GREM1: variants seen among roughly 807,000 people sequenced by gnomAD.
GREM1 encodes gremlin-1.
In GREM1, 6 loss-of-function variants were observed where a neutral mutation model predicts 13.1. The observed-to-expected ratio is 0.46, with a 90% confidence interval of 0.25 to 0.91. The LOEUF (loss-of-function observed/expected upper bound fraction) is 0.91. GREM1 is among the 40% of genes least tolerant of loss of function. The pLI, the probability that GREM1 is intolerant of heterozygous loss-of-function variation, is 0.18. For synonymous variants in GREM1, 98 were observed against 93.7 expected (o/e 1.05, Z -0.27); for missense variants, 185 against 233.9 (o/e 0.79, Z 1.36).
In GREM1 at chr15:32,736,399, A is replaced by T. The variant is rs1225713652; in HGVS notation, c.*5154A>T. 6.6e-6 allele frequency: 1 copy of T among 152,190 alleles called. No individual in the cohort carries two copies. The highest frequency in any genetic ancestry group is 1.9e-4 in the East Asian group (1 of 5,192). The allele number at this position is 152,190 out of a possible 1,614,324, so 9.4% of individuals were successfully genotyped here. A position where few individuals can be genotyped will look rare whatever the true frequency, so the allele number is the denominator to read the frequency against. ...TGTTATTGGCAATCTAGACTGCCAA[A>T]TGCATAAATAGGACTCCATCCATGC... On this transcript the variant is annotated 3_prime_UTR_variant, in exon 2 of 2. Transcript: ENST00000651154.
chr15:32,725,006 A>G (rs1025709313), intron 1 of GREM1, among the ~76,000 whole-genome samples: 1 of 151,342 alleles, frequency 6.6e-6, no homozygotes, highest in Non-Finnish European at 1.5e-5. Flanking sequence ...CATGGTGTAT[A>G]TGTGCCACAT....
Position 32,733,412 on chromosome 15 carries a change from T to C in GREM1, c.*2167T>C. The C allele has an allele frequency of 4.4e-6, 1 of 228,884 alleles. No individual in the cohort carries two copies. The allele number at this position is 228,884 out of a possible 1,614,324, so 14.2% of individuals were successfully genotyped here. A position where few individuals can be genotyped will look rare whatever the true frequency, so the allele number is the denominator to read the frequency against. On this transcript the variant is annotated 3_prime_UTR_variant, in exon 2 of 2. Coordinates refer to ENST00000651154, the MANE Select transcript of GREM1 (RefSeq NM_013372.7). ...TGTTGTTTTAACTCTGCCACAAGAA[T>C]GCAATTTCGTTAACGGAGATGACTT...
intron 1 of GREM1, 38 bp downstream of exon 1, chr15:32,718,199 G>T: frequency 7.5e-7 from 1 of 1,330,720 alleles, no homozygotes; most frequent in South Asian, 1.2e-5. Context: ...GTGAGTGGGC[G>T]GAGGGAAGAG....
chr15:32,718,177 C>A lies in GREM1; in HGVS notation c.-2+16C>A. On this transcript the variant is annotated intron_variant, in intron 1 of 1. Coordinates refer to ENST00000651154, the MANE Select transcript of GREM1 (RefSeq NM_013372.7). Reference sequence around the variant, plus strand: ...GCACTGACAGGTGAGCGCGGACGCACCCGGCAGGGATGTGAGTGGGCGGAG... The same window carrying A: ...GCACTGACAGGTGAGCGCGGACGCAACCGGCAGGGATGTGAGTGGGCGGAG... 2 of 1,338,132 alleles carry A rather than the reference C, an allele frequency of 1.5e-6. No individual in the cohort carries two copies. Among genetic ancestry groups the A allele is most frequent in the South Asian group, 1.3e-5 (1 of 79,712 alleles). 82.9% of individuals were successfully genotyped at this position (1,338,132 alleles called of 1,614,324 possible).
In GREM1 at chr15:32,738,115, A is replaced by C. The variant is rs531353322; in HGVS notation, c.*6870A>C. On this transcript the variant is annotated 3_prime_UTR_variant, in exon 2 of 2. Transcript: ENST00000651154. ...AAAAAAAAAAAAAAAAAAAAAAAAAAAAAAAAAAAAAAAAAAAAGAAAAGA... is the reference window on the plus strand; with the variant it reads ...AAAAAAAAAAAAAAAAAAAAAAAAACAAAAAAAAAAAAAAAAAAGAAAAGA... 33 of 88,658 alleles carry C rather than the reference A, an allele frequency of 3.7e-4. No individual in the cohort carries two copies. Among genetic ancestry groups the C allele is most frequent in the Middle Eastern group, 5.8e-3 (1 of 172 alleles). 5.5% of individuals were successfully genotyped at this position (88,658 alleles called of 1,614,324 possible).
In GREM1 at chr15:32,733,369, C is replaced by A; in HGVS notation, c.*2124C>A. The A allele has an allele frequency of 4.4e-6, 1 of 226,430 alleles. No individual in the cohort carries two copies. Among genetic ancestry groups the A allele is most frequent in the Non-Finnish European group, 9.6e-6 (1 of 104,280 alleles). 14.0% of individuals were successfully genotyped at this position (226,430 alleles called of 1,614,324 possible). A position where few individuals can be genotyped will look rare whatever the true frequency, so the allele number is the denominator to read the frequency against. On this transcript the variant is annotated 3_prime_UTR_variant, in exon 2 of 2. Transcript: ENST00000651154. ...GAGGAAAAATGACATTCAGAACCAG[C>A]AAACACTGAATTTCTCTTGTTGTTT...
intron 1 of GREM1, 41 bp from the exon 2 acceptor site, chr15:32,730,649 C>A: frequency 7.3e-7 from 1 of 1,376,930 alleles, no homozygotes; most frequent in Non-Finnish European, 9.9e-7. Flanking sequence ...TTAACTTTGC[C>A]ATGTTTTGTG....
chr15:32,722,649 A>G (rs918732237), intron 1 of GREM1, among the ~76,000 whole-genome samples: 1 of 152,224 alleles, frequency 6.6e-6, no homozygotes, highest in Non-Finnish European at 1.5e-5. Context: ...GGTGGTTAAT[A>G]TGGCTTACCT....
chr15:32,731,685 C>A lies in GREM1; in HGVS notation c.*440C>A, dbSNP rs754322767. 6.6e-4 allele frequency: 173 copies of A among 263,640 alleles called. 1 individual carries two copies. The highest frequency in any genetic ancestry group is 1.1e-3 in the Non-Finnish European group (148 of 128,804). 16.3% of individuals were successfully genotyped at this position (263,640 alleles called of 1,614,324 possible). A position where few individuals can be genotyped will look rare whatever the true frequency, so the allele number is the denominator to read the frequency against. On this transcript the variant is annotated 3_prime_UTR_variant, in exon 2 of 2. Transcript: ENST00000651154. ...GTGCTGCATTCGACATGGAAAAGTCCTTTTAACCTGTGCTTGCATCCTCCT... is the reference window on the plus strand; with the variant it reads ...GTGCTGCATTCGACATGGAAAAGTCATTTTAACCTGTGCTTGCATCCTCCT...
At chr15:32,721,621 G>A (rs1043358531) in intron 1 of GREM1, among the ~76,000 whole-genome samples, 3 of 152,096 alleles carry the variant, frequency 2.0e-5, no homozygotes, top group African/African-American at 4.8e-5. Flanking sequence ...GGGTGTGGTG[G>A]CAGGCGCCTA....
intron 1 of GREM1, among the ~76,000 whole-genome samples, chr15:32,729,867 T>TA (rs1463042662): frequency 1.3e-5 from 2 of 152,122 alleles, no homozygotes; most frequent in African/African-American, 4.8e-5. Context: ...ATACATTGAG[T>TA]ATCTGTGCCC....
intron 1 of GREM1, among the ~76,000 whole-genome samples, chr15:32,719,444 C>T (rs2055366650): frequency 6.6e-6 from 1 of 152,200 alleles, no homozygotes; most frequent in African/African-American, 2.4e-5. Flanking sequence ...TAATGCATTC[C>T]CGGGTCGAAT....
chr15:32,720,479 G>A (rs1349108131), intron 1 of GREM1, among the ~76,000 whole-genome samples: 1 of 152,124 alleles, frequency 6.6e-6, no homozygotes, highest in Non-Finnish European at 1.5e-5. Context: ...GAGAGTAAAG[G>A]ACAGCCAGGA....
chr15:32,723,262 C>T (rs1455746957), intron 1 of GREM1, among the ~76,000 whole-genome samples: 1 of 152,188 alleles, frequency 6.6e-6, no homozygotes, highest in Non-Finnish European at 1.5e-5. Flanking sequence ...ATTTCAAGTG[C>T]ACATCACTAC....
Position 32,731,858 on chromosome 15 carries a change from A to G in GREM1, c.*613A>G, listed in dbSNP as rs780185346. On this transcript the variant is annotated 3_prime_UTR_variant, in exon 2 of 2. Coordinates refer to ENST00000651154, the MANE Select transcript of GREM1 (RefSeq NM_013372.7). ...GTGAAGACCCTCCAGACTCTGGGAG[A>G]GGCTGGTGTGGGCAAGGACAAGCAG... 4 of 231,172 alleles carry G rather than the reference A, an allele frequency of 1.7e-5. No individual in the cohort carries two copies. Among genetic ancestry groups the G allele is most frequent in the Non-Finnish European group, 2.8e-5 (3 of 107,756 alleles). 14.3% of individuals were successfully genotyped at this position (231,172 alleles called of 1,614,324 possible). A position where few individuals can be genotyped will look rare whatever the true frequency, so the allele number is the denominator to read the frequency against.
rs2140767812 is a variant in GREM1, at chr15:32,739,411, A to C, written c.*8166A>C. On this transcript the variant is annotated 3_prime_UTR_variant, in exon 2 of 2. Coordinates refer to ENST00000651154, the MANE Select transcript of GREM1 (RefSeq NM_013372.7). Reference sequence around the variant, plus strand: ...TCAACACCTTAGTCTGGTTGCAAACAGTTTAAATGAGAAAAGATAAGGCCT... The same window carrying C: ...TCAACACCTTAGTCTGGTTGCAAACCGTTTAAATGAGAAAAGATAAGGCCT... 1 of 152,364 alleles carries C rather than the reference A, an allele frequency of 6.6e-6. No individual in the cohort carries two copies. Among genetic ancestry groups the C allele is most frequent in the Admixed American group, 6.5e-5 (1 of 15,306 alleles). The allele number at this position is 152,364 out of a possible 1,614,324, so 9.4% of individuals were successfully genotyped here. A position where few individuals can be genotyped will look rare whatever the true frequency, so the allele number is the denominator to read the frequency against.
rs2140769094 is a variant in GREM1 at position 32,740,487 on chromosome 15, G to C, written c.*9242G>C. 1 of 152,196 alleles carries C rather than the reference G, an allele frequency of 6.6e-6. No individual in the cohort carries two copies. Among genetic ancestry groups the C allele is most frequent in the South Asian group, 2.1e-4 (1 of 4,816 alleles). 9.4% of individuals were successfully genotyped at this position (152,196 alleles called of 1,614,324 possible). A position where few individuals can be genotyped will look rare whatever the true frequency, so the allele number is the denominator to read the frequency against. On this transcript the variant is annotated 3_prime_UTR_variant, in exon 2 of 2. Coordinates refer to ENST00000651154, the MANE Select transcript of GREM1 (RefSeq NM_013372.7). ...ATGACAGGACATCAACAGGAGACAA[G>C]ATTAATCAGAAGAAAGAATCAATGA...
intron 1 of GREM1, 46 bp downstream of exon 1, chr15:32,718,207 G>A (rs779157884): frequency 4.4e-5 from 58 of 1,328,034 alleles, no homozygotes; most frequent in Non-Finnish European, 5.6e-5. Flanking sequence ...GCGGAGGGAA[G>A]AGGGCCGCAA....
rs1567119298 is a variant in GREM1 at position 32,742,852 on chromosome 15, T to C, written c.*11607T>C. 6.6e-6 allele frequency: 1 copy of C among 152,212 alleles called. No homozygotes were observed. Among genetic ancestry groups the C allele is most frequent in the South Asian group, 2.1e-4 (1 of 4,832 alleles). The allele number at this position is 152,212 out of a possible 1,614,324, so 9.4% of individuals were successfully genotyped here. A position where few individuals can be genotyped will look rare whatever the true frequency, so the allele number is the denominator to read the frequency against. On this transcript the variant is annotated 3_prime_UTR_variant, in exon 2 of 2. Transcript: ENST00000651154. ...AAAAGAATAAAATTGGACCCTATCTTATACCAAAAATCAACTCAAAATGGA... is the reference window on the plus strand; with the variant it reads ...AAAAGAATAAAATTGGACCCTATCTCATACCAAAAATCAACTCAAAATGGA...
Sources: gnomAD v4.1 joint callset for allele counts (sites outside exome capture counted in the v4.1 genomes callset) on GRCh38, gnomAD v4.1.1 for gene constraint, MANE v1.5 for transcripts, NCBI Gene and HGNC (gene_info 2026-07-23, HGNC 2026-07-21) for gene names.